MCC: variants seen among roughly 807,000 people sequenced by gnomAD.
The protein encoded by MCC is colorectal mutant cancer protein.
In MCC, 90 loss-of-function variants were observed where a neutral mutation model predicts 116.2. The ratio of observed to expected loss-of-function variants is 0.77; its 90% CI spans 0.65 to 0.92. The LOEUF (loss-of-function observed/expected upper bound fraction) is 0.92, where lower values mean the gene tolerates loss of function less well. MCC is among the 40% of genes least tolerant of loss of function. The pLI is 0.00. For synonymous variants in MCC, 578 were observed against 510.5 expected, an observed-to-expected ratio of 1.13 and a Z score of -1.78; for missense variants, 1,516 against 1,312.2, an observed-to-expected ratio of 1.16 and a Z score of -2.40.
At chr5:113,326,832 G>A (rs1013163483) in intron 3 of MCC, among the ~76,000 whole-genome samples, 11 of 152,134 alleles carry the variant, frequency 7.2e-5, no homozygotes, top group African/African-American at 2.7e-4. Flanking sequence ...TCAAGATTCT[G>A]TACATGATCC....
chr5:113,142,116 C>T (rs1170387818), intron 5 of MCC, among the ~76,000 whole-genome samples: 4 of 152,068 alleles, frequency 2.6e-5, no homozygotes, highest in Admixed American at 6.6e-5. Context: ...ACAATTTTGC[C>T]CAGAAAACAG....
At chr5:113,418,339 T>C (rs1770215919) in intron 1 of MCC, among the ~76,000 whole-genome samples, 1 of 99,708 alleles carries the variant, frequency 1.0e-5, no homozygotes, top group African/African-American at 7.4e-5. Context: ...ATGAATTATA[T>C]CTCAATTGAA....
At chr5:113,055,015 G>C (rs886983544) in intron 14 of MCC, among the ~76,000 whole-genome samples, 1 of 152,216 alleles carries the variant, frequency 6.6e-6, no homozygotes, top group African/African-American at 2.4e-5. Context: ...GCCTCCCTAG[G>C]GGTGACTCGC....
chr5:113,174,554 T>C (rs1415163517), intron 3 of MCC, among the ~76,000 whole-genome samples: 7 of 152,118 alleles, frequency 4.6e-5, no homozygotes, highest in African/African-American at 1.7e-4. Flanking sequence ...AATGGTATAT[T>C]GAAGACCTTG....
At chr5:113,224,004 A>G (rs1334900619) in intron 3 of MCC, among the ~76,000 whole-genome samples, 2 of 151,918 alleles carry the variant, frequency 1.3e-5, no homozygotes, top group South Asian at 2.1e-4. Flanking sequence ...ACTTCCTGGG[A>G]CTCACCATTT....
At chr5:113,203,655 T>G (rs1282975498) in intron 3 of MCC, among the ~76,000 whole-genome samples, 1 of 151,930 alleles carries the variant, frequency 6.6e-6, no homozygotes, top group Non-Finnish European at 1.5e-5. Flanking sequence ...ATTCAACCAC[T>G]CAACCAGGCG....
intron 8 of MCC, among the ~76,000 whole-genome samples, chr5:113,088,390 T>C (rs146456167): frequency 4.2e-4 from 64 of 151,656 alleles, no homozygotes; most frequent in African/African-American, 1.5e-3. Flanking sequence ...TTCTCACCCA[T>C]TGTAGTGGGT....
chr5:113,062,579 CTAAA>C (rs1314237966), intron 14 of MCC, among the ~76,000 whole-genome samples: 1 of 152,192 alleles, frequency 6.6e-6, no homozygotes, highest in Non-Finnish European at 1.5e-5. Flanking sequence ...CATTTCTATA[CTAAA>C]TAAACACACA....
At chr5:113,219,954 T>G (rs1025804882) in intron 3 of MCC, among the ~76,000 whole-genome samples, 3 of 151,896 alleles carry the variant, frequency 2.0e-5, no homozygotes, top group African/African-American at 7.2e-5. Flanking sequence ...CTTATTGAAA[T>G]TAGATAGTAT....
intron 3 of MCC, among the ~76,000 whole-genome samples, chr5:113,277,284 C>T (rs1283285662): frequency 2.6e-5 from 4 of 151,580 alleles, no homozygotes; most frequent in Non-Finnish European, 4.4e-5. Context: ...AGCAGAATCG[C>T]TTGAACCCAG....
intron 3 of MCC, among the ~76,000 whole-genome samples, chr5:113,329,202 A>C (rs768079750): frequency 5.9e-5 from 9 of 152,228 alleles, no homozygotes; most frequent in Non-Finnish European, 1.2e-4. Context: ...TCCCCAATGA[A>C]TATTAGCAAC....
chr5:113,053,911 T>G lies in MCC; in HGVS notation c.2262A>C (p.Glu754Asp). ...ASSCDTEFTK[E>D]DEQRLKDYIQ... ...TATAATCCTTCAGCCTCTGCTCGTC[T>G]TCTTTAGTGAACTCGGTGTCGCAAC... Residue 754 changes from glutamate (E) to aspartate (D), a missense_variant, in exon 15 of 19, where the codon GAA becomes GAC. Physicochemically the swap from Glu to Asp is conservative, Grantham distance 45. Coordinates refer to ENST00000408903, the MANE Select transcript of MCC (RefSeq NM_001085377.2). The G allele has an allele frequency of 6.2e-7, 1 of 1,613,966 alleles. No individual in the cohort carries two copies. The highest frequency in any genetic ancestry group is 8.5e-7 in the Non-Finnish European group (1 of 1,179,850).
rs11743500 is a variant in MCC at position 113,241,372 on chromosome 5, T to G, written c.628-89950A>C. Among the ~76,000 whole-genome samples the G allele has an allele frequency of 3.5e-3, 529 of 152,298 alleles. 1 individual carries two copies. Among genetic ancestry groups the G allele is most frequent in the Non-Finnish European group, 6.0e-3 (409 of 68,020 alleles). On this transcript the variant is annotated intron_variant, in intron 3 of 18. Transcript: ENST00000408903. The stretch of plus-strand genomic sequence containing the variant: ...TGGAAAGACAGAATAGACAGAATGA[T>G]GCCCAATTTAACTTCCTCAACTCTG...
intron 1 of MCC, among the ~76,000 whole-genome samples, chr5:113,466,438 G>GT (rs1428856262): frequency 1.3e-5 from 2 of 149,544 alleles, no homozygotes; most frequent in Admixed American, 6.8e-5. Flanking sequence ...GTGGTGTTTG[G>GT]TTTTTTGTCC....
intron 3 of MCC, among the ~76,000 whole-genome samples, chr5:113,253,008 T>C (rs138343716): frequency 4.6e-5 from 7 of 152,336 alleles, no homozygotes; most frequent in Non-Finnish European, 8.8e-5. Flanking sequence ...ATTTTTATTA[T>C]GTGAGAATTA....
intron 3 of MCC, among the ~76,000 whole-genome samples, chr5:113,331,320 C>T (rs1294218712): frequency 1.3e-5 from 2 of 151,900 alleles, no homozygotes; most frequent in East Asian, 3.9e-4. Context: ...AAGAGTGACT[C>T]AGCGTCCACT....
intron 1 of MCC, among the ~76,000 whole-genome samples, chr5:113,400,806 G>C (rs891632170): frequency 6.6e-6 from 1 of 152,186 alleles, no homozygotes; most frequent in African/African-American, 2.4e-5. Flanking sequence ...TGAACAAAGA[G>C]CACCTTTTTG....
At chr5:113,464,267 C>A (rs936830819) in intron 1 of MCC, among the ~76,000 whole-genome samples, 4 of 152,140 alleles carry the variant, frequency 2.6e-5, no homozygotes, top group African/African-American at 9.7e-5. Flanking sequence ...AAAGTCCTCA[C>A]AATAATCTGC....
At chr5:113,245,762 T>C (rs1764550702) in intron 3 of MCC, among the ~76,000 whole-genome samples, 1 of 152,304 alleles carries the variant, frequency 6.6e-6, no homozygotes, top group South Asian at 2.1e-4. Context: ...CCACAAATGA[T>C]GGAAAATCCA....
Sources: gnomAD v4.1 joint callset for allele counts (sites outside exome capture counted in the v4.1 genomes callset) on GRCh38, gnomAD v4.1.1 for gene constraint, MANE v1.5 for transcripts, NCBI Gene and HGNC (gene_info 2026-07-23, HGNC 2026-07-21) for gene names.